Variants in SESTD1 observed in about 807,000 individuals in gnomAD.
The protein encoded by SESTD1 is SEC14 domain and spectrin repeat-containing protein 1.
SESTD1 carries 43 observed loss-of-function variants against 101.7 expected under a neutral mutation model. The observed-to-expected ratio is 0.42, with a 90% CI of 0.33 to 0.55. The LOEUF (loss-of-function observed/expected upper bound fraction) is 0.55. SESTD1 is among the 20% of genes least tolerant of loss of function. The probability of loss-of-function intolerance (pLI) is 0.07; values close to 1 mark genes in which losing one functional copy is unlikely to be tolerated. For missense variants in SESTD1, 647 were observed against 815.1 expected, an observed-to-expected ratio of 0.79 and a Z score of 2.51; for synonymous variants, 283 against 286.8, an observed-to-expected ratio of 0.99 and a Z score of 0.13.
rs2046632572 is a variant in SESTD1, at chr2:179,210,090, G to A, written c.-25-18224C>T. Among the ~76,000 whole-genome samples, 2 of 133,122 alleles carry A rather than the reference G, an allele frequency of 1.5e-5. 1 individual carries two copies. The highest frequency in any genetic ancestry group is 1.5e-4 in the Admixed American group (2 of 13,698). The allele number at this position is 133,122 out of a possible 152,430, so 87.3% of individuals were successfully genotyped here. A position where few individuals can be genotyped will look rare whatever the true frequency, so the allele number is the denominator to read the frequency against. On this transcript the variant is annotated intron_variant, in intron 1 of 17. Coordinates refer to ENST00000428443, the MANE Select transcript of SESTD1 (RefSeq NM_178123.5). The stretch of plus-strand genomic sequence containing the variant: ...ATGCACACAAACTAGAAAACCCAGA[G>A]GAGATGGGTAAATTCCTGGAAATAT...
intron 1 of SESTD1, among the ~76,000 whole-genome samples, chr2:179,252,578 C>A (rs188174347): frequency 6.6e-6 from 1 of 152,312 alleles, no homozygotes; most frequent in African/African-American, 2.4e-5. Flanking sequence ...AAGATTTAAA[C>A]AAGGACTGAA....
At position 179,103,539 on chromosome 2, in the gene SESTD1, C is replaced by A. The variant is rs566100714; in HGVS notation, c.*6360G>T. ...CCAATCCTGGAAACAGCCCAGGTAT[C>A]TATCAATAATAGGAAATTAAGAAAA... On this transcript the variant is annotated 3_prime_UTR_variant, in exon 18 of 18. Coordinates refer to ENST00000428443, the MANE Select transcript of SESTD1 (RefSeq NM_178123.5). 2.0e-5 allele frequency: 3 copies of A among 152,104 alleles called. No homozygotes were observed. In the South Asian group the frequency reaches 6.2e-4, roughly 32 times the overall value. The allele number at this position is 152,104 out of a possible 1,614,324, so 9.4% of individuals were successfully genotyped here. A position where few individuals can be genotyped will look rare whatever the true frequency, so the allele number is the denominator to read the frequency against.
chr2:179,194,625 C>T (rs572262382), intron 1 of SESTD1, among the ~76,000 whole-genome samples: 198 of 152,232 alleles, frequency 1.3e-3, no homozygotes, highest in Non-Finnish European at 2.3e-3. Context: ...AACGGCAATG[C>T]CTTACACTGA....
intron 1 of SESTD1, among the ~76,000 whole-genome samples, chr2:179,240,553 A>G (rs1478905141): frequency 6.6e-6 from 1 of 152,198 alleles, no homozygotes; most frequent in African/African-American, 2.4e-5. Context: ...GGAAATAACA[A>G]TAGGAGAAGA....
Position 179,176,570 on chromosome 2 carries a change from A to T in SESTD1, c.165-32T>A, listed in dbSNP as rs2046016208. Reference sequence around the variant, plus strand: ...CAAAATAAAATTACAAAGCATTAAAACAAGCTCCAGATTTCGTTCTTCATA... The same window carrying T: ...CAAAATAAAATTACAAAGCATTAAATCAAGCTCCAGATTTCGTTCTTCATA... On this transcript the variant is annotated intron_variant, in intron 3 of 17. Coordinates refer to ENST00000428443, the MANE Select transcript of SESTD1 (RefSeq NM_178123.5). 4 of 1,566,096 alleles carry T rather than the reference A, an allele frequency of 2.6e-6. No homozygotes were observed. In the East Asian group the frequency reaches 9.0e-5, roughly 35 times the overall value.
At chr2:179,114,636 A>AT (rs111648585) in intron 16 of SESTD1, among the ~76,000 whole-genome samples, 13,999 of 152,104 alleles carry the variant, frequency 0.092, 2,128 homozygotes, top group African/African-American at 0.32. Context: ...CCTTATTCTT[A>AT]TTTTTTTAAT....
At chr2:179,191,251 A>T (rs1205859987) in intron 2 of SESTD1, among the ~76,000 whole-genome samples, 2 of 152,226 alleles carry the variant, frequency 1.3e-5, no homozygotes, top group Non-Finnish European at 2.9e-5. Context: ...AGCTGTAAAA[A>T]AACAGGGAAA....
chr2:179,113,870 A>G (rs1409179219), intron 16 of SESTD1, among the ~76,000 whole-genome samples: 1 of 151,850 alleles, frequency 6.6e-6, no homozygotes, highest in East Asian at 1.9e-4. Flanking sequence ...TGTCTCAAAA[A>G]AAAAAAAAAA....
chr2:179,110,979 A>ACTAT (rs2044493002), intron 17 of SESTD1, among the ~76,000 whole-genome samples: 1 of 152,238 alleles, frequency 6.6e-6, no homozygotes, highest in South Asian at 2.1e-4. Flanking sequence ...TGACACATGG[A>ACTAT]CTATCTGTGA....
chr2:179,178,100 T>C (rs1373478609), intron 3 of SESTD1, among the ~76,000 whole-genome samples: 1 of 152,180 alleles, frequency 6.6e-6, no homozygotes, highest in Non-Finnish European at 1.5e-5. Context: ...CTGATAAAAA[T>C]GTTCTGAAAT....
Position 179,121,768 on chromosome 2 carries a change from G to A in SESTD1, c.1442+2C>T. 6.4e-7 allele frequency: 1 copy of A among 1,556,364 alleles called. No homozygotes were observed. The highest frequency in any genetic ancestry group is 8.6e-7 in the Non-Finnish European group (1 of 1,157,514). ...AAAAAGTAATTAACGGTCAAACTTT[G>A]CCTTTGTTTTCTAAGCTGCATATCT... On this transcript the variant is annotated splice_donor_variant, in intron 13 of 17. Transcript: ENST00000428443. LOFTEE classifies it low-confidence loss of function (GC_TO_GT_DONOR).
intron 1 of SESTD1, among the ~76,000 whole-genome samples, chr2:179,201,717 G>C (rs1208789753): frequency 8.5e-6 from 1 of 117,690 alleles, no homozygotes; most frequent in Non-Finnish European, 1.7e-5. Context: ...GGTGGGAACT[G>C]AACAATGAGA....
At chr2:179,242,502 C>T (rs1384266025) in intron 1 of SESTD1, among the ~76,000 whole-genome samples, 4 of 152,046 alleles carry the variant, frequency 2.6e-5, no homozygotes, top group Admixed American at 2.0e-4. Flanking sequence ...GACCCAAGTA[C>T]CCAAAGCAAT....
chr2:179,125,648 C>T (rs2044857699), intron 10 of SESTD1, among the ~76,000 whole-genome samples: 1 of 152,180 alleles, frequency 6.6e-6, no homozygotes, highest in South Asian at 2.1e-4. Flanking sequence ...TGACAGATCT[C>T]TTTTTAAAGT....
intron 9 of SESTD1, among the ~76,000 whole-genome samples, chr2:179,139,772 T>A (rs901336994): frequency 2.0e-5 from 3 of 152,078 alleles, no homozygotes; most frequent in Non-Finnish European, 4.4e-5. Context: ...CTCCCTTGCC[T>A]CAACCAATCA....
chr2:179,229,113 T>C (rs2046936462), intron 1 of SESTD1, among the ~76,000 whole-genome samples: 1 of 152,190 alleles, frequency 6.6e-6, no homozygotes, highest in Non-Finnish European at 1.5e-5. Context: ...GGTGTGATGG[T>C]AAATTTCACG....
intron 1 of SESTD1, among the ~76,000 whole-genome samples, chr2:179,200,689 T>C (rs1347166861): frequency 1.4e-5 from 2 of 145,162 alleles, no homozygotes; most frequent in African/African-American, 5.2e-5. Context: ...CACTATTTAA[T>C]AAACGGTGCT....
rs563790581 is a variant in SESTD1, at chr2:179,120,050, G to A, written c.1442+1720C>T. Among the ~76,000 whole-genome samples, 12 of 152,166 alleles carry A rather than the reference G, an allele frequency of 7.9e-5. No individual in the cohort carries two copies. In the South Asian group the frequency reaches 2.5e-3, roughly 32 times the overall value. ...TTGAAACCAGCCTGGCTGACATGGT[G>A]AAACACCGTCTCTACTAAAAATACA... On this transcript the variant is annotated intron_variant, in intron 13 of 17. Transcript: ENST00000428443.
intron 1 of SESTD1, among the ~76,000 whole-genome samples, chr2:179,202,877 C>T (rs2046539414): frequency 1.5e-5 from 2 of 134,552 alleles, no homozygotes; most frequent in Non-Finnish European, 3.2e-5. Context: ...ATCCTAAGTC[C>T]CACAATCTGG....
Sources: gnomAD v4.1 joint callset for allele counts (sites outside exome capture counted in the v4.1 genomes callset) on GRCh38, gnomAD v4.1.1 for gene constraint, MANE v1.5 for transcripts, NCBI Gene and HGNC (gene_info 2026-07-23, HGNC 2026-07-21) for gene names.